The following SYNE1 variants were observed in gnomAD, a reference collection of about 807,000 sequenced individuals.
SYNE1 encodes the protein spectrin repeat containing nuclear envelope protein 1, also known as nesprin-1.
Under a neutral mutation model 1,111.0 loss-of-function variants are expected in SYNE1, and 616 were observed. The observed-to-expected ratio is 0.55, with a 90% CI of 0.52 to 0.59. The LOEUF is 0.59. Ranked by LOEUF, SYNE1 falls within the 20% of genes least tolerant of loss-of-function variation. The pLI, the probability that SYNE1 is intolerant of heterozygous loss-of-function variation, is 0.00. For synonymous variants in SYNE1, 3,855 were observed against 3,825.8 expected, an observed-to-expected ratio of 1.01 and a Z score of -0.28; for missense variants, 10,006 against 10,417.0, an observed-to-expected ratio of 0.96 and a Z score of 1.72.
chr6:152,369,982 CA>C (rs778013525), intron 59 of SYNE1, among the ~76,000 whole-genome samples: 1,267 of 49,858 alleles, frequency 0.025, 6 homozygotes, highest in African/African-American at 0.097. Context: ...GACTCTGTCT[CA>C]AAAAAAAAAA....
rs1347407918 is a variant in SYNE1, at chr6:152,453,667, A to G, written c.2946T>C (p.Cys982=). ...QRVLNAFLKA[C]DELTDILPEQ... is the part of the protein sequence containing the mutation. The stretch of plus-strand genomic sequence containing the variant: ...CTGGAAGGATGTCGGTGAGTTCATC[A>G]CAAGCTTTCAGGAAAGCATTGAGCA... Residue 982 remains cysteine (C), a synonymous_variant, in exon 25 of 146, where the codon TGT becomes TGC. Transcript: ENST00000367255. 1 of 1,614,020 alleles carries G rather than the reference A, an allele frequency of 6.2e-7. No homozygotes were observed. Among genetic ancestry groups the G allele is most frequent in the Non-Finnish European group, 8.5e-7 (1 of 1,180,034 alleles).
chr6:152,360,653 G>A (rs1468840476), intron 64 of SYNE1, among the ~76,000 whole-genome samples: 6 of 152,108 alleles, frequency 3.9e-5, no homozygotes, highest in East Asian at 1.9e-4. Flanking sequence ...TGCTAGAATC[G>A]GGCACAGTCC....
At chr6:152,289,689 C>G (rs2094490986) in intron 95 of SYNE1, among the ~76,000 whole-genome samples, 1 of 152,112 alleles carries the variant, frequency 6.6e-6, no homozygotes, top group South Asian at 2.1e-4. Flanking sequence ...TGCGGTGGCG[C>G]AATCTCGGTT....
At chr6:152,191,072 T>C (rs1010548637) in intron 127 of SYNE1, among the ~76,000 whole-genome samples, 3 of 152,230 alleles carry the variant, frequency 2.0e-5, no homozygotes, top group African/African-American at 7.2e-5. Context: ...GATGTACACA[T>C]TGATTAATTT....
rs199997325 is a variant in SYNE1, at chr6:152,230,541, A to G, written c.21195+6T>C. 1 of 1,614,020 alleles carries G rather than the reference A, an allele frequency of 6.2e-7. No homozygotes were observed. The highest frequency in any genetic ancestry group is 1.7e-5 in the Admixed American group (1 of 60,026). Reference sequence around the variant, plus strand: ...ATGGTGCATGTTAGCCACCTGGACAAGTTACCTGACAGTCTTTCAGTGCAT... The same window carrying G: ...ATGGTGCATGTTAGCCACCTGGACAGGTTACCTGACAGTCTTTCAGTGCAT... On this transcript the variant is annotated splice_donor_region_variant and intron_variant, in intron 115 of 145. Transcript: ENST00000367255.
chr6:152,369,055 C>A lies in SYNE1; in HGVS notation c.9724G>T (p.Glu3242Ter). The change falls in exon 61 of 146, where the codon GAA becomes TAA. Residue 3242 changes from glutamate (E) to a stop codon, truncating the protein, a stop_gained. Coordinates refer to ENST00000367255, the MANE Select transcript of SYNE1 (RefSeq NM_182961.4). LOFTEE classifies it high-confidence loss of function. ...RLKEKAQQLW[E>*]GQAASKSFRH... ...AAGCTCTTGCTGGCAGCTTGTCCTT[C>A]CCACAGCTGCTGAGCTTTCTCTTTC... 6.2e-7 allele frequency: 1 copy of A among 1,614,196 alleles called. No individual in the cohort carries two copies. The highest frequency in any genetic ancestry group is 8.5e-7 in the Non-Finnish European group (1 of 1,180,036).
At chr6:152,216,542 C>T (rs2078715528) in intron 121 of SYNE1, among the ~76,000 whole-genome samples, 1 of 152,106 alleles carries the variant, frequency 6.6e-6, no homozygotes, top group Admixed American at 6.6e-5. Context: ...GAGGAAATAT[C>T]ACGGGCACAG....
intron 115 of SYNE1, among the ~76,000 whole-genome samples, chr6:152,228,361 C>G (rs1345730721): frequency 6.6e-6 from 1 of 152,068 alleles, no homozygotes; most frequent in Non-Finnish European, 1.5e-5. Flanking sequence ...ACTGTCTGAC[C>G]TGGCTCTCTG....
chr6:152,378,194 A>G (rs964843160), intron 56 of SYNE1, among the ~76,000 whole-genome samples: 1 of 152,254 alleles, frequency 6.6e-6, no homozygotes, highest in Non-Finnish European at 1.5e-5. Context: ...TGTGGATAAC[A>G]GTAGCACTGA....
intron 37 of SYNE1, 104 bp from the exon 38 acceptor site, chr6:152,427,920 G>T: frequency 6.6e-7 from 1 of 1,507,390 alleles, no homozygotes; most frequent in Non-Finnish European, 9.1e-7. Context: ...AGTAAATACA[G>T]CCTCAGTTAT....
intron 145 of SYNE1, among the ~76,000 whole-genome samples, chr6:152,124,357 A>G (rs1478328848): frequency 1.3e-5 from 2 of 152,206 alleles, no homozygotes; most frequent in Non-Finnish European, 2.9e-5. Flanking sequence ...GGCAGCACGC[A>G]GTGTTTCTAT....
chr6:152,128,693 A>G (rs1562869192), intron 145 of SYNE1: 1 of 152,252 alleles, frequency 6.6e-6, no homozygotes. Flanking sequence ...GACTGCTGGA[A>G]ACAACATTCT....
intron 76 of SYNE1, chr6:152,336,268 C>T (rs2096387176): frequency 5.9e-6 from 1 of 170,718 alleles, no homozygotes; most frequent in South Asian, 1.4e-4. Flanking sequence ...TGAATGTCTT[C>T]TGATGAAAGT....
intron 140 of SYNE1, among the ~76,000 whole-genome samples, chr6:152,138,764 A>G (rs2813569): frequency 0.32 from 48,495 of 151,850 alleles, 8,159 homozygotes; most frequent in African/African-American, 0.4. Context: ...ATGGGTTTTA[A>G]AAAGAAACTG....
chr6:152,606,865 A>C (rs1438428883), intron 3 of SYNE1, among the ~76,000 whole-genome samples: 1 of 150,748 alleles, frequency 6.6e-6, no homozygotes, highest in Admixed American at 6.6e-5. Context: ...CATGTTAGCC[A>C]GGATGGTCTT....
chr6:152,534,259 A>G (rs142724566), intron 4 of SYNE1, among the ~76,000 whole-genome samples: 160 of 152,218 alleles, frequency 1.1e-3, no homozygotes, highest in African/African-American at 3.7e-3. Context: ...ACAAATATTA[A>G]TATTAGCAAA....
chr6:152,391,940 C>T (rs931968215), intron 51 of SYNE1, among the ~76,000 whole-genome samples: 8 of 152,194 alleles, frequency 5.3e-5, no homozygotes, highest in Non-Finnish European at 8.8e-5. Context: ...TGAGGAAAAG[C>T]TCCCTGAAAT....
At chr6:152,318,337 G>A in intron 85 of SYNE1, 74 bp from the exon 86 acceptor site, 3 of 1,534,170 alleles carry the variant, frequency 2.0e-6, no homozygotes, top group Middle Eastern at 1.7e-4. Context: ...AGATCAGACT[G>A]ATTTTTGTCA....
At chr6:152,537,195 A>G (rs1353074580) in intron 4 of SYNE1, among the ~76,000 whole-genome samples, 2 of 152,130 alleles carry the variant, frequency 1.3e-5, no homozygotes, top group African/African-American at 4.8e-5. Context: ...GGTATATGAA[A>G]TAACAACAAC....
Sources: allele counts gnomAD v4.1 joint callset (sites outside exome capture counted in the v4.1 genomes callset), GRCh38; gene constraint gnomAD v4.1.1; transcripts MANE v1.5; gene names NCBI Gene and HGNC (gene_info 2026-07-23, HGNC 2026-07-21).